The following CLUH variants were observed in gnomAD, a reference collection of about 807,000 sequenced individuals.
The protein encoded by CLUH is CLUH binding protein of NUMT mRNA.
CLUH carries 77 observed loss-of-function variants against 139.3 expected under a neutral mutation model. That is an observed-to-expected ratio of 0.55 (90% CI 0.46 to 0.67). CLUH has a LOEUF of 0.67. CLUH is among the 30% of genes least tolerant of loss of function. CLUH has a pLI of 0.00. For missense variants in CLUH, 1,876 were observed against 1,875.8 expected (o/e 1.00, Z 0.00); for synonymous variants, 999 against 801.6 (o/e 1.25, Z -4.16).
chr17:2,710,611 G>C (rs976607976), intron 1 of CLUH, among the ~76,000 whole-genome samples: 17 of 152,130 alleles, frequency 1.1e-4, no homozygotes, highest in Admixed American at 1.1e-3. Context: ...GACGACTGAG[G>C]GCCTGGGAAG....
In CLUH at chr17:2,696,151, T is replaced by G. The variant is rs768240079; in HGVS notation, c.2391+8A>C. 29 of 1,361,640 alleles carry G rather than the reference T, an allele frequency of 2.1e-5. 1 individual carries two copies. In the Admixed American group the frequency reaches 5.4e-4, roughly 25 times the overall value. 84.3% of individuals were successfully genotyped at this position (1,361,640 alleles called of 1,614,324 possible). A position where few individuals can be genotyped will look rare whatever the true frequency, so the allele number is the denominator to read the frequency against. ...AAGCCCCACCCAGCCCCGCAGCCCCTCCCTCACCAAGCCAGGGATCTGGCA... is the reference window on the plus strand; with the variant it reads ...AAGCCCCACCCAGCCCCGCAGCCCCGCCCTCACCAAGCCAGGGATCTGGCA... On this transcript the variant is annotated splice_region_variant and intron_variant, in intron 13 of 25. Coordinates refer to ENST00000651024, the MANE Select transcript of CLUH (RefSeq NM_001366661.1).
At chr17:2,700,971 C>T in intron 7 of CLUH, 146 bp from the exon 8 acceptor site, 2 of 1,429,636 alleles carry the variant, frequency 1.4e-6, no homozygotes, top group Non-Finnish European at 1.9e-6. Flanking sequence ...ACGGGCGCCT[C>T]TCCTGCGGCT....
In CLUH at chr17:2,706,461, T is replaced by C. The variant is rs1488050080; in HGVS notation, c.101-1897A>G. Among the ~76,000 whole-genome samples, 2 of 152,020 alleles carry C rather than the reference T, an allele frequency of 1.3e-5. No individual in the cohort carries two copies. The highest frequency in any genetic ancestry group is 2.4e-5 in the African/African-American group (1 of 41,382). Reference sequence around the variant, plus strand: ...CTACGCCGCGGCACTCCCTCAACTCTGGCCACTGAGGACCTTCAGTAACTG... The same window carrying C: ...CTACGCCGCGGCACTCCCTCAACTCCGGCCACTGAGGACCTTCAGTAACTG... On this transcript the variant is annotated intron_variant, in intron 1 of 25. Coordinates refer to ENST00000651024, the MANE Select transcript of CLUH (RefSeq NM_001366661.1). This position sits in a 1 kb window ranked among gnomAD's most constrained non-coding sequence, Gnocchi z 4.6.
Position 2,707,362 on chromosome 17 carries a change from G to A in CLUH, c.101-2798C>T. 5 of 985,342 alleles carry A rather than the reference G, an allele frequency of 5.1e-6. No individual in the cohort carries two copies. The highest frequency in any genetic ancestry group is 6.0e-6 in the Non-Finnish European group (5 of 829,882). The allele number at this position is 985,342 out of a possible 1,614,324, so 61.0% of individuals were successfully genotyped here. ...CTCCGGCTGGCTTCGGGTTTCAGTG[G>A]GGCCAGGCCTGCCATGGCAGCCCCA... is the stretch of plus-strand genomic sequence containing the variant. On this transcript the variant is annotated intron_variant, in intron 1 of 25. Coordinates refer to ENST00000651024, the MANE Select transcript of CLUH (RefSeq NM_001366661.1). This position sits in a 1 kb window ranked among gnomAD's most constrained non-coding sequence, Gnocchi z 7.4.
intron 16 of CLUH, 77 bp from the exon 17 acceptor site, chr17:2,694,641 C>T (rs980047831): frequency 2.8e-5 from 40 of 1,415,946 alleles, no homozygotes; most frequent in East Asian, 2.7e-4. Flanking sequence ...AGCTCCCCAA[C>T]GCTGTCCAGC....
In CLUH at chr17:2,707,041, C is replaced by T. The variant is rs1410081490; in HGVS notation, c.101-2477G>A. 2.6e-6 allele frequency: 1 copy of T among 385,982 alleles called. No homozygotes were observed. The highest frequency in any genetic ancestry group is 2.2e-5 in the African/African-American group (1 of 45,746). 23.9% of individuals were successfully genotyped at this position (385,982 alleles called of 1,614,324 possible). A position where few individuals can be genotyped will look rare whatever the true frequency, so the allele number is the denominator to read the frequency against. On this transcript the variant is annotated intron_variant, in intron 1 of 25. Transcript: ENST00000651024. This position sits in a 1 kb window ranked among gnomAD's most constrained non-coding sequence, Gnocchi z 7.4. ...AATGCAGCTGGCTCCCAAGGGGCCTCCTCTCCCCAGGACAGCATGTTTTAC... is the reference window on the plus strand; with the variant it reads ...AATGCAGCTGGCTCCCAAGGGGCCTTCTCTCCCCAGGACAGCATGTTTTAC...
At chr17:2,699,145 G>C (rs1188646383) in intron 9 of CLUH, among the ~76,000 whole-genome samples, 1 of 151,860 alleles carries the variant, frequency 6.6e-6, no homozygotes, top group Admixed American at 6.6e-5. Flanking sequence ...GCGCAGGTTT[G>C]GGATCCACCA....
At chr17:2,694,822 T>TGGGC in intron 16 of CLUH, 35 bp downstream of exon 16, 1 of 1,346,338 alleles carries the variant, frequency 7.4e-7, no homozygotes, top group Non-Finnish European at 1.0e-6. Context: ...ATCTGCCCAA[T>TGGGC]CCCACCCACC....
rs2070051491 is a variant in CLUH at position 2,698,428 on chromosome 17, A to T, written c.1429T>A (p.Phe477Ile). Residue 477 changes from phenylalanine to isoleucine, a missense_variant, in exon 10 of 26, where the codon TTC (phenylalanine) becomes ATC (isoleucine). Coordinates refer to ENST00000651024, the MANE Select transcript of CLUH (RefSeq NM_001366661.1). The stretch of plus-strand genomic sequence containing the variant: ...ACGTAGGCCGCCACGTCCCCCCCGA[A>T]GTCCTTGTAGTGGTCTCGGACGTCG... Reference protein sequence around the residue: ...GFDVRDHYKDFGGDVAAYVAP... With the variant: ...GFDVRDHYKDIGGDVAAYVAP... 6.2e-7 allele frequency: 1 copy of T among 1,613,146 alleles called. No homozygotes were observed. The highest frequency in any genetic ancestry group is 8.5e-7 in the Non-Finnish European group (1 of 1,179,810).
In CLUH at chr17:2,689,968, G is replaced by C. The variant is rs1264447417; in HGVS notation, c.*626C>G. 6.6e-6 allele frequency: 1 copy of C among 152,510 alleles called. No individual in the cohort carries two copies. Among genetic ancestry groups the C allele is most frequent in the Admixed American group, 6.5e-5 (1 of 15,272 alleles). The allele number at this position is 152,510 out of a possible 1,614,324, so 9.4% of individuals were successfully genotyped here. A position where few individuals can be genotyped will look rare whatever the true frequency, so the allele number is the denominator to read the frequency against. On this transcript the variant is annotated 3_prime_UTR_variant, in exon 26 of 26. Coordinates refer to ENST00000651024, the MANE Select transcript of CLUH (RefSeq NM_001366661.1). ...CAAGCCAACCCCGACCCCTCCGTTCGGGAGCAGCAGCCAGACCACGCCAGT... is the reference window on the plus strand; with the variant it reads ...CAAGCCAACCCCGACCCCTCCGTTCCGGAGCAGCAGCCAGACCACGCCAGT...
At chr17:2,691,130 G>GC (rs10711177) in intron 25 of CLUH, among the ~76,000 whole-genome samples, 18 of 150,720 alleles carry the variant, frequency 1.2e-4, no homozygotes, top group African/African-American at 4.1e-4. Context: ...CTGCTCCTCA[G>GC]CCCCCCCCCG....
chr17:2,696,309 GC>G (rs2069939949), intron 12 of CLUH, 50 bp from the exon 13 acceptor site: 3 of 1,523,172 alleles, frequency 2.0e-6, no homozygotes, highest in Non-Finnish European at 2.7e-6. Flanking sequence ...CAAGACAAAT[GC>G]CGCCTGGCGC....
In CLUH at chr17:2,690,736, C is replaced by A; in HGVS notation, c.3905G>T (p.Arg1302Leu). ...TCTGCTGGCCTCCTGGAGCTGGTGC[C>A]GCCGCGCCACCTCGGCTTTCAGATT... ...LENLKAEVAR[R>L]HQLQEASRNR... The change falls in exon 26 of 26, where the codon CGG (arginine) becomes CTG (leucine). Residue 1302 changes from arginine to leucine, a missense_variant. By Grantham distance (102) the Arg-to-Leu change is moderately radical (BLOSUM62 -2). Coordinates refer to ENST00000651024, the MANE Select transcript of CLUH (RefSeq NM_001366661.1). 6.5e-7 allele frequency: 1 copy of A among 1,548,544 alleles called. No homozygotes were observed. Among genetic ancestry groups the A allele is most frequent in the Non-Finnish European group, 8.6e-7 (1 of 1,156,076 alleles).
Position 2,694,045 on chromosome 17 carries a change from G to A in CLUH, c.3092-6C>T. 1.2e-6 allele frequency: 2 copies of A among 1,613,932 alleles called. No individual in the cohort carries two copies. The highest frequency in any genetic ancestry group is 1.3e-5 in the African/African-American group (1 of 75,058). ...ACAGCCCTCCTTCAGGAAGCCTGCA[G>A]GGCACCCCCAGGGGTGGCAAGGTCA... On this transcript the variant is annotated splice_region_variant and splice_polypyrimidine_tract_variant and intron_variant, in intron 18 of 25. Transcript: ENST00000651024.
Position 2,701,479 on chromosome 17 carries a change from G to A in CLUH, c.786C>T (p.Asn262=). 1.2e-6 allele frequency: 2 copies of A among 1,613,874 alleles called. No homozygotes were observed. The highest frequency in any genetic ancestry group is 1.7e-6 in the Non-Finnish European group (2 of 1,179,870). The stretch of plus-strand genomic sequence containing the variant: ...GCATCTTCCGGTTCCCCGGGGGCGG[G>A]TTCCATCCGCTCATGGTGAGTACTT... ...CLKVLTMSGW[N]PPPGNRKMHG... The change falls in exon 6 of 26, where the codon AAC becomes AAT. Residue 262 remains asparagine, a synonymous_variant. Coordinates refer to ENST00000651024, the MANE Select transcript of CLUH (RefSeq NM_001366661.1).
rs952461707 is a variant in CLUH, at chr17:2,711,688, G to A, written c.-27C>T. 5.3e-6 allele frequency: 5 copies of A among 939,946 alleles called. No homozygotes were observed. The highest frequency in any genetic ancestry group is 6.3e-6 in the Non-Finnish European group (5 of 788,618). The allele number at this position is 939,946 out of a possible 1,614,324, so 58.2% of individuals were successfully genotyped here. On this transcript the variant is annotated 5_prime_UTR_variant, in exon 1 of 26. Coordinates refer to ENST00000651024, the MANE Select transcript of CLUH (RefSeq NM_001366661.1). ...GTGGCGGGAGCGGGCGTCCGCCTCGGCTGTCCGCGCCGCCCGCCGCGCCAC... is the reference window on the plus strand; with the variant it reads ...GTGGCGGGAGCGGGCGTCCGCCTCGACTGTCCGCGCCGCCCGCCGCGCCAC...
rs2070279624 is a variant in CLUH at position 2,704,220 on chromosome 17, G to T, written c.303+142C>A. ...GATTCCCACGTCCACCACGCTAGCT[G>T]AGTGACTCTAGGGAGGGCACGGGAT... is the stretch of plus-strand genomic sequence containing the variant. On this transcript the variant is annotated intron_variant, in intron 2 of 25. Coordinates refer to ENST00000651024, the MANE Select transcript of CLUH (RefSeq NM_001366661.1). This position sits in a 1 kb window ranked among gnomAD's most constrained non-coding sequence, Gnocchi z 5.7. 2.3e-6 allele frequency: 2 copies of T among 862,902 alleles called. No individual in the cohort carries two copies. 53.5% of individuals were successfully genotyped at this position (862,902 alleles called of 1,614,324 possible). A position where few individuals can be genotyped will look rare whatever the true frequency, so the allele number is the denominator to read the frequency against.
intron 12 of CLUH, 65 bp from the exon 13 acceptor site, chr17:2,696,324 CGGG>C: frequency 6.7e-7 from 1 of 1,501,810 alleles, no homozygotes; most frequent in Non-Finnish European, 9.1e-7. Flanking sequence ...CTGGCGCTGG[CGGG>C]GGAAGCGCTC....
rs778345831 is a variant in CLUH at position 2,691,637 on chromosome 17, T to G, written c.3835A>C (p.Ile1279Leu). The stretch of plus-strand genomic sequence containing the variant: ...AGAGGAATGAAGAGGATGCCGTTAA[T>G]GACGTTCAGCTGCTCCAAGACGCTG... ...MASVLEQLNV[I>L]NGILFIPLSQ... is the part of the protein sequence containing the mutation. Residue 1279 changes from isoleucine (I) to leucine (L), a missense_variant, in exon 25 of 26, where the codon ATT (isoleucine) becomes CTT (leucine). Ile to Leu is a conservative substitution (Grantham distance 5). Around this residue, in one of 3 missense-constraint regions of CLUH, gnomAD observed 1,454 missense variants for 1,384.4 expected, o/e 1.05. Coordinates refer to ENST00000651024, the MANE Select transcript of CLUH (RefSeq NM_001366661.1). 90 of 1,612,498 alleles carry G rather than the reference T, an allele frequency of 5.6e-5. No individual in the cohort carries two copies. Among genetic ancestry groups the G allele is most frequent in the Non-Finnish European group, 7.3e-5 (86 of 1,179,346 alleles).
Sources: allele counts gnomAD v4.1 joint callset (sites outside exome capture counted in the v4.1 genomes callset), GRCh38; gene constraint gnomAD v4.1.1; regional missense constraint gnomAD v4.1.1; non-coding constraint Gnocchi (gnomAD v3.1); transcripts MANE v1.5; gene names NCBI Gene and HGNC (gene_info 2026-07-23, HGNC 2026-07-21).